The following C2CD2 variants were observed in gnomAD, a reference collection of about 807,000 sequenced individuals.
The protein encoded by C2CD2 is C2 domain-containing protein 2.
A neutral mutation model predicts 74.3 loss-of-function variants in C2CD2; 43 were observed. The observed-to-expected ratio is 0.58, with a 90% CI of 0.45 to 0.75. The LOEUF is 0.75. Among genes scored for constraint, C2CD2 ranks in the 30% least tolerant of loss-of-function variants. The pLI, the probability that C2CD2 is intolerant of heterozygous loss-of-function variation, is 0.00. For synonymous variants in C2CD2, 422 were observed against 390.7 expected (o/e 1.08, Z -0.94); for missense variants, 801 against 916.3 (o/e 0.87, Z 1.63).
Position 41,889,209 on chromosome 21 carries a change from A to T in C2CD2, c.2006T>A (p.Leu669His), listed in dbSNP as rs772713203. 1 of 1,613,592 alleles carries T rather than the reference A, an allele frequency of 6.2e-7. No individual in the cohort carries two copies. Among genetic ancestry groups the T allele is most frequent in the Non-Finnish European group, 8.5e-7 (1 of 1,180,030 alleles). Residue 669 changes from leucine to histidine, a missense_variant, in exon 14 of 14, where the codon CTC becomes CAC. Physicochemically the swap from Leu to His is moderately conservative, Grantham distance 99. Coordinates refer to ENST00000380486, the MANE Select transcript of C2CD2 (RefSeq NM_015500.2). ...CAGCTTCTTGTTCAGGATCCTGGTG[A>T]GGGTGATGCCTTTCCTCCGGGAACC... Reference protein sequence around the residue: ...PEGSRRKGITLTRILNKKLLS... With the variant: ...PEGSRRKGITHTRILNKKLLS...
chr21:41,933,617 T>C (rs969349235), intron 2 of C2CD2, among the ~76,000 whole-genome samples: 2 of 152,244 alleles, frequency 1.3e-5, no homozygotes, highest in African/African-American at 4.8e-5. Context: ...GAAAAGGCCA[T>C]GTACACAATC....
In C2CD2 at chr21:41,895,796, C is replaced by T. The variant is rs2064815073; in HGVS notation, c.1870+3257G>A. On this transcript the variant is annotated intron_variant, in intron 13 of 13. Transcript: ENST00000380486. This position sits in a 1 kb window ranked among gnomAD's most constrained non-coding sequence, Gnocchi z 5.0. ...AGACATAAATAGCGAATTGAAGGTT[C>T]TGTCTTAAAACCCAGCAGAAAGAAA... 1.3e-5 allele frequency among the ~76,000 whole-genome samples: 2 copies of T among 152,072 alleles called. No individual in the cohort carries two copies. The highest frequency in any genetic ancestry group is 6.5e-5 in the Admixed American group (1 of 15,270).
chr21:41,893,805 G>A (rs1045889452), intron 13 of C2CD2, among the ~76,000 whole-genome samples: 15 of 150,164 alleles, frequency 1.0e-4, no homozygotes, highest in Admixed American at 4.0e-4. Flanking sequence ...AGGCTCAAGC[G>A]ACTCTTCTGC....
At chr21:41,915,500 G>A (rs761252254) in intron 5 of C2CD2, among the ~76,000 whole-genome samples, 3 of 151,222 alleles carry the variant, frequency 2.0e-5, no homozygotes, top group Non-Finnish European at 2.9e-5. Context: ...GCAGTGGTGC[G>A]ATCTCAGTTC....
rs1343293327 is a variant in C2CD2, at chr21:41,885,389, G to A, written c.*3735C>T. ...TGGTAGAGTAAACAACAAACCACAA[G>A]CCTAAATGATGAATGGTGCGCTGCT... On this transcript the variant is annotated 3_prime_UTR_variant, in exon 14 of 14. Coordinates refer to ENST00000380486, the MANE Select transcript of C2CD2 (RefSeq NM_015500.2). The A allele has an allele frequency of 6.5e-6, 1 of 152,730 alleles. No homozygotes were observed. Among genetic ancestry groups the A allele is most frequent in the East Asian group, 1.9e-4 (1 of 5,184 alleles). 9.5% of individuals were successfully genotyped at this position (152,730 alleles called of 1,614,324 possible).
chr21:41,902,189 C>T (rs1172367548), intron 11 of C2CD2, among the ~76,000 whole-genome samples: 1 of 151,902 alleles, frequency 6.6e-6, no homozygotes, highest in Non-Finnish European at 1.5e-5. Context: ...AGCAAGCAAA[C>T]AACAAAAAAA....
chr21:41,927,619 T>C (rs2065225957), intron 2 of C2CD2, among the ~76,000 whole-genome samples: 1 of 151,682 alleles, frequency 6.6e-6, no homozygotes, highest in Non-Finnish European at 1.5e-5. Context: ...TACAGGCACG[T>C]GCCACCACAC....
rs9985096 is a variant in C2CD2 at position 41,899,105 on chromosome 21, C to T, written c.1818G>A (p.Leu606=). 0.024 allele frequency: 38,586 copies of T among 1,613,718 alleles called. 1,198 individuals are homozygous for T. Among genetic ancestry groups the T allele is most frequent in the African/African-American group, 0.14 (10,773 of 74,950 alleles). ...CCAAGACACTCATGGAGCTCTCTGA[C>T]AGCTCATCACCGTCGGGGTCCAGCA... ...QVLLDPDGDE[L]SESSMSVLEP... is the part of the protein sequence containing the mutation. The change falls in exon 13 of 14, where the codon CTG becomes CTA. Residue 606 remains leucine (L), a synonymous_variant. Transcript: ENST00000380486. The surrounding 1 kb of genome is among the most constrained non-coding windows in gnomAD (Gnocchi z 4.4).
chr21:41,915,480 G>A (rs9753956), intron 5 of C2CD2, among the ~76,000 whole-genome samples: 138,451 of 151,886 alleles, frequency 0.91, 63,571 homozygotes, highest in Non-Finnish European at 0.97. Context: ...TCTGTTGTCC[G>A]GGCTAGAGTG....
At chr21:41,948,024 G>T (rs955611000) in intron 1 of C2CD2, among the ~76,000 whole-genome samples, 6 of 152,212 alleles carry the variant, frequency 3.9e-5, no homozygotes, top group Admixed American at 3.9e-4. Context: ...TGGGAGAATG[G>T]GTTAGTGCAA....
rs1421434104 is a variant in C2CD2 at position 41,887,906 on chromosome 21, C to G, written c.*1218G>C. 6.6e-6 allele frequency: 1 copy of G among 152,218 alleles called. No homozygotes were observed. The highest frequency in any genetic ancestry group is 6.5e-5 in the Admixed American group (1 of 15,274). 9.4% of individuals were successfully genotyped at this position (152,218 alleles called of 1,614,324 possible). A position where few individuals can be genotyped will look rare whatever the true frequency, so the allele number is the denominator to read the frequency against. On this transcript the variant is annotated 3_prime_UTR_variant, in exon 14 of 14. Transcript: ENST00000380486. ...GCATGTCTACTGGAAGTGGCACATT[C>G]AGAAGTGAGATCTGTGAATGAACTG... is the stretch of plus-strand genomic sequence containing the variant.
At chr21:41,917,024 G>C (rs1346037909) in intron 5 of C2CD2, among the ~76,000 whole-genome samples, 2 of 152,170 alleles carry the variant, frequency 1.3e-5, no homozygotes, top group Admixed American at 6.5e-5. Flanking sequence ...CCTCCATTTG[G>C]AGAGGCTGAG....
intron 13 of C2CD2, 67 bp downstream of exon 13, chr21:41,898,986 T>TG: frequency 8.1e-7 from 1 of 1,240,410 alleles, no homozygotes. Flanking sequence ...GACTTCAGCT[T>TG]GGAAGCCAGC....
intron 5 of C2CD2, among the ~76,000 whole-genome samples, chr21:41,914,960 C>A (rs796574112): frequency 6.6e-6 from 1 of 152,174 alleles, no homozygotes; most frequent in Non-Finnish European, 1.5e-5. Flanking sequence ...CCAAATACAG[C>A]AAGTACAAGT....
chr21:41,947,094 CT>C (rs1388977710), intron 1 of C2CD2, among the ~76,000 whole-genome samples: 1 of 148,286 alleles, frequency 6.7e-6, no homozygotes, highest in African/African-American at 2.5e-5. Flanking sequence ...CTTTTTCTTT[CT>C]TTCTTTCCTT....
In C2CD2 at chr21:41,909,451, C is replaced by T; in HGVS notation, c.1018+8G>A. 3 of 1,608,664 alleles carry T rather than the reference C, an allele frequency of 1.9e-6. No homozygotes were observed. The highest frequency in any genetic ancestry group is 2.6e-6 in the Non-Finnish European group (3 of 1,175,016). On this transcript the variant is annotated splice_region_variant and intron_variant, in intron 8 of 13. Coordinates refer to ENST00000380486, the MANE Select transcript of C2CD2 (RefSeq NM_015500.2). ...AGGGCGAGGCCTCTGTCCTCCTGCT[C>T]AACCCACCTTCTGAGGATCGCCCAG...
In C2CD2 at chr21:41,889,228, G is replaced by C. The variant is rs762993037; in HGVS notation, c.1987C>G (p.Arg663Gly). 1 of 1,613,842 alleles carries C rather than the reference G, an allele frequency of 6.2e-7. No homozygotes were observed. Among genetic ancestry groups the C allele is most frequent in the African/African-American group, 1.3e-5 (1 of 75,016 alleles). ...CTGGTGAGGGTGATGCCTTTCCTCCGGGAACCCTCTGGCTGCTCCAGGAAC... is the reference window on the plus strand; with the variant it reads ...CTGGTGAGGGTGATGCCTTTCCTCCCGGAACCCTCTGGCTGCTCCAGGAAC... ...LVFLEQPEGS[R>G]RKGITLTRIL... The change falls in exon 14 of 14, where the codon CGG becomes GGG. Residue 663 changes from arginine to glycine, a missense_variant. Arg to Gly is a moderately radical substitution (Grantham distance 125). Transcript: ENST00000380486.
At position 41,922,149 on chromosome 21, in the gene C2CD2, ATCT is replaced by A. The variant is rs1379529462; in HGVS notation, c.379-67_379-65del. 1.1e-3 allele frequency: 985 copies of A among 871,994 alleles called. 12 individuals are homozygous for A. Among genetic ancestry groups the A allele is most frequent in the South Asian group, 1.9e-3 (125 of 64,730 alleles). The allele number at this position is 871,994 out of a possible 1,614,324, so 54.0% of individuals were successfully genotyped here. A position where few individuals can be genotyped will look rare whatever the true frequency, so the allele number is the denominator to read the frequency against. On this transcript the variant is annotated intron_variant, in intron 2 of 13. Transcript: ENST00000380486. Reference sequence around the variant, plus strand: ...AACAAAGGACAGCGCGTGCATACGCATCTTCTTCTTCTTCTTTTTTTTTTTTTG... The same window carrying A: ...AACAAAGGACAGCGCGTGCATACGCATCTTCTTCTTCTTTTTTTTTTTTTG...
In C2CD2 at chr21:41,901,768, T is replaced by G; in HGVS notation, c.1433-19A>C. 6.2e-7 allele frequency: 1 copy of G among 1,612,166 alleles called. No individual in the cohort carries two copies. Among genetic ancestry groups the G allele is most frequent in the Non-Finnish European group, 8.5e-7 (1 of 1,178,202 alleles). ...AACAATTCTACCAGAAGGAAGGCAGTGTTAAGTTCATCAGCAAAAATTAAA... is the reference window on the plus strand; with the variant it reads ...AACAATTCTACCAGAAGGAAGGCAGGGTTAAGTTCATCAGCAAAAATTAAA... On this transcript the variant is annotated intron_variant, in intron 11 of 13. Transcript: ENST00000380486.
Sources: gnomAD v4.1 joint callset for allele counts (sites outside exome capture counted in the v4.1 genomes callset) on GRCh38, gnomAD v4.1.1 for gene constraint, Gnocchi (gnomAD v3.1) non-coding constraint, MANE v1.5 for transcripts, NCBI Gene and HGNC (gene_info 2026-07-23, HGNC 2026-07-21) for gene names.